The following GPHN variants were observed in gnomAD, a reference collection of about 807,000 sequenced individuals.
The protein encoded by GPHN is gephyrin.
GPHN carries 17 observed loss-of-function variants against 95.5 expected under a neutral mutation model. The observed-to-expected ratio is 0.18, with a 90% CI of 0.12 to 0.27. The LOEUF is 0.27. Among genes scored for constraint, GPHN ranks in the 10% least tolerant of loss-of-function variants. The pLI, the probability that GPHN is intolerant of heterozygous loss-of-function variation, is 1.00. For missense variants in GPHN, 660 were observed against 978.1 expected (o/e 0.67, Z 4.34); for synonymous variants, 320 against 322.5 (o/e 0.99, Z 0.08).
intron 1 of GPHN, among the ~76,000 whole-genome samples, chr14:66,670,504 C>A (rs931286220): frequency 2.0e-5 from 3 of 152,018 alleles, no homozygotes; most frequent in African/African-American, 7.2e-5. Context: ...GGTTAGTAAA[C>A]GTTTTCTGCC....
the GPHN span, chr14:67,573,959 C>T: frequency 9.0e-7 from 1 of 1,105,742 alleles, no homozygotes; most frequent in South Asian, 1.2e-5. This position sits in a 1 kb window ranked among gnomAD's most constrained non-coding sequence, Gnocchi z 4.8. Flanking sequence ...GTGAGTGAGA[C>T]AAAGATGGGG....
chr14:66,509,033 TC>T (rs1016502349), intron 1 of GPHN: 51 of 225,628 alleles, frequency 2.3e-4, no homozygotes, highest in African/African-American at 4.3e-4. Context: ...CTCCTTCCCT[TC>T]CCCCCACCTG....
intron 2 of GPHN, among the ~76,000 whole-genome samples, chr14:66,743,624 C>A (rs2072994108): frequency 6.6e-6 from 1 of 152,082 alleles, no homozygotes; most frequent in African/African-American, 2.4e-5. Context: ...TGCCTGCAGT[C>A]CCAGCTACTT....
intron 4 of GPHN, among the ~76,000 whole-genome samples, chr14:66,847,488 T>C (rs2062385014): frequency 6.6e-6 from 1 of 152,036 alleles, no homozygotes; most frequent in Non-Finnish European, 1.5e-5. Context: ...TAAAATAGAG[T>C]GCTATAACGT....
chr14:67,338,408 C>T, the GPHN span: 1 of 504,042 alleles, frequency 2.0e-6, no homozygotes, highest in Admixed American at 3.6e-5. Context: ...CTGTAAGTTC[C>T]TGGGCAGGTT....
the GPHN span, among the ~76,000 whole-genome samples, chr14:67,694,067 T>C: frequency 8.3e-4 from 127 of 152,314 alleles, no homozygotes; most frequent in Admixed American, 4.5e-3. Flanking sequence ...GTTGGGACTC[T>C]GGTTAAAACA....
intron 9 of GPHN, among the ~76,000 whole-genome samples, chr14:67,019,515 G>C (rs2073489873): frequency 6.6e-6 from 1 of 152,152 alleles, no homozygotes; most frequent in Non-Finnish European, 1.5e-5. Flanking sequence ...AGCAAAATAG[G>C]CAATTTTTTG....
intron 11 of GPHN, among the ~76,000 whole-genome samples, chr14:67,071,497 T>G (rs1431395555): frequency 7.5e-4 from 107 of 142,184 alleles, no homozygotes; most frequent in African/African-American, 1.2e-3. Flanking sequence ...ATGGGGGGAG[T>G]GGGGAGGGAT....
chr14:67,520,661 G>T, the GPHN span, among the ~76,000 whole-genome samples: 15 of 151,986 alleles, frequency 9.9e-5, no homozygotes, highest in Non-Finnish European at 1.8e-4. Flanking sequence ...AGGTTTTTAT[G>T]TGGACATAAA....
At chr14:67,512,680 A>T in the GPHN span, among the ~76,000 whole-genome samples, 1 of 152,136 alleles carries the variant, frequency 6.6e-6, no homozygotes, top group Non-Finnish European at 1.5e-5. Flanking sequence ...GCCCTTACCC[A>T]GGTCTTTCCT....
At chr14:67,149,163 G>A (rs1457357967) in intron 18 of GPHN, among the ~76,000 whole-genome samples, 4 of 151,704 alleles carry the variant, frequency 2.6e-5, no homozygotes, top group African/African-American at 2.4e-5. Context: ...GGCCAACATG[G>A]TGAAACCCCG....
chr14:66,942,012 GTTTAC>G (rs1449823187), intron 8 of GPHN, among the ~76,000 whole-genome samples: 5 of 152,090 alleles, frequency 3.3e-5, no homozygotes, highest in South Asian at 4.1e-4. Context: ...TTGTGTTGTT[GTTTAC>G]TTGTTTGTTT....
intron 21 of GPHN, among the ~76,000 whole-genome samples, chr14:67,176,310 C>A (rs2082944364): frequency 6.6e-6 from 1 of 152,052 alleles, no homozygotes; most frequent in Non-Finnish European, 1.5e-5. Context: ...TTGTCGAAGG[C>A]CTTTTCTGCA....
intron 4 of GPHN, among the ~76,000 whole-genome samples, chr14:66,832,120 C>G (rs140404077): frequency 7.4e-4 from 113 of 152,240 alleles, no homozygotes; most frequent in South Asian, 6.2e-3. Flanking sequence ...GCATTCCAAC[C>G]TGGGTGACAG....
Position 66,903,606 on chromosome 14 carries a change from A to G in GPHN, c.390-12397A>G, listed in dbSNP as rs188827351. Among the ~76,000 whole-genome samples the G allele has an allele frequency of 3.3e-5, 5 of 152,214 alleles. 1 individual carries two copies. Among genetic ancestry groups the G allele is most frequent in the African/African-American group, 1.2e-4 (5 of 41,530 alleles). ...ATTTCTTTATCCATTCAGGCACTCT[A>G]TGTCTTTGCCTTGGAGAAGTGAGTT... On this transcript the variant is annotated intron_variant, in intron 5 of 22. Coordinates refer to ENST00000478722, the MANE Select transcript of GPHN (RefSeq NM_020806.5).
chr14:67,329,242 G>A, the GPHN span, among the ~76,000 whole-genome samples: 1 of 152,156 alleles, frequency 6.6e-6, no homozygotes, highest in Admixed American at 6.5e-5. Flanking sequence ...TGTAGCAATT[G>A]TGAATGGGAG....
chr14:67,144,254 T>TATAC (rs2080729987), intron 18 of GPHN, among the ~76,000 whole-genome samples: 2 of 74,832 alleles, frequency 2.7e-5, no homozygotes, highest in African/African-American at 1.4e-4. Flanking sequence ...AAAAAAAATA[T>TATAC]ATATATATAT....
At chr14:67,120,456 C>T (rs932801650) in intron 16 of GPHN, among the ~76,000 whole-genome samples, 1 of 151,958 alleles carries the variant, frequency 6.6e-6, no homozygotes, top group Non-Finnish European at 1.5e-5. Flanking sequence ...GCTATTTTTT[C>T]GTTATGTCAG....
chr14:66,682,603 A>T (rs555246346), intron 2 of GPHN, among the ~76,000 whole-genome samples: 3 of 151,936 alleles, frequency 2.0e-5, no homozygotes, highest in African/African-American at 7.2e-5. Flanking sequence ...TACAAAAATT[A>T]GCTAGGCGTG....
Sources: gnomAD v4.1 joint callset for allele counts (sites outside exome capture counted in the v4.1 genomes callset) on GRCh38, gnomAD v4.1.1 for gene constraint, Gnocchi (gnomAD v3.1) non-coding constraint, MANE v1.5 for transcripts, NCBI Gene and HGNC (gene_info 2026-07-23, HGNC 2026-07-21) for gene names.